ACTG2: variants seen among roughly 807,000 people sequenced by gnomAD.
The protein encoded by ACTG2 is actin, gamma-enteric smooth muscle.
Under a neutral mutation model 37.6 loss-of-function variants are expected in ACTG2, and 16 were observed. That is an observed-to-expected ratio of 0.43 (90% CI 0.29 to 0.65). ACTG2 has a LOEUF of 0.65. ACTG2 is among the 30% of genes least tolerant of loss of function. ACTG2 has a pLI of 0.18. For synonymous variants in ACTG2, 181 were observed against 179.9 expected, an observed-to-expected ratio of 1.01 and a Z score of -0.05; for missense variants, 238 against 490.9, an observed-to-expected ratio of 0.48 and a Z score of 4.87.
chr2:73,901,013 C>G (rs973530283), intron 1 of ACTG2, among the ~76,000 whole-genome samples: 1 of 152,218 alleles, frequency 6.6e-6, no homozygotes, highest in Non-Finnish European at 1.5e-5. Flanking sequence ...TTAATTACCT[C>G]TTTAAAGACC....
chr2:73,916,547 G>A, intron 7 of ACTG2, 37 bp from the exon 8 acceptor site: 2 of 1,582,016 alleles, frequency 1.3e-6, no homozygotes, highest in South Asian at 2.3e-5. Context: ...TATTTAGGAA[G>A]TGATGCCTGT....
intron 5 of ACTG2, among the ~76,000 whole-genome samples, chr2:73,911,993 A>G (rs953761800): frequency 6.6e-6 from 1 of 152,258 alleles, no homozygotes; most frequent in Non-Finnish European, 1.5e-5. Context: ...GTACCAGGCC[A>G]TGGGCACACA....
At position 73,909,273 on chromosome 2, in the gene ACTG2, A is replaced by G; in HGVS notation, c.451+134A>G. ...AGGCAAAATCTTTCTTAGGGATAAT[A>G]GGTGAGAATGCCCATGTGGAATGCC... On this transcript the variant is annotated intron_variant, in intron 5 of 8. Coordinates refer to ENST00000345517, the MANE Select transcript of ACTG2 (RefSeq NM_001615.4). 8.1e-6 allele frequency: 6 copies of G among 738,082 alleles called. No individual in the cohort carries two copies. In the South Asian group the frequency reaches 9.9e-5, roughly 12 times the overall value. 45.7% of individuals were successfully genotyped at this position (738,082 alleles called of 1,614,324 possible).
chr2:73,907,815 G>A (rs1384550175), intron 3 of ACTG2, among the ~76,000 whole-genome samples: 2 of 152,118 alleles, frequency 1.3e-5, no homozygotes, highest in Non-Finnish European at 2.9e-5. Flanking sequence ...TGGAGACCAG[G>A]GATACTGGTC....
chr2:73,893,696 G>A (rs1428207077), intron 1 of ACTG2, among the ~76,000 whole-genome samples: 1 of 152,150 alleles, frequency 6.6e-6, no homozygotes, highest in African/African-American at 2.4e-5. Context: ...GACCCATCTA[G>A]TTCATTCTCC....
At chr2:73,913,711 C>A in intron 6 of ACTG2, 65 bp downstream of exon 6, 2 of 1,394,866 alleles carry the variant, frequency 1.4e-6, no homozygotes, top group Non-Finnish European at 9.9e-7. Flanking sequence ...ACAAGAAGTT[C>A]TCAGGACCAA....
intron 1 of ACTG2, among the ~76,000 whole-genome samples, chr2:73,899,080 G>A (rs553021895): frequency 1.3e-4 from 20 of 152,164 alleles, no homozygotes; most frequent in Admixed American, 4.6e-4. Context: ...AAAGTGCTGG[G>A]ATTACAGGCG....
chr2:73,914,109 G>A (rs549954971), intron 6 of ACTG2, among the ~76,000 whole-genome samples: 71 of 152,280 alleles, frequency 4.7e-4, no homozygotes, highest in African/African-American at 1.6e-3. Flanking sequence ...CCCCCAGGAA[G>A]GCCTAAGGCT....
At chr2:73,898,988 T>A (rs969442935) in intron 1 of ACTG2, among the ~76,000 whole-genome samples, 8 of 151,912 alleles carry the variant, frequency 5.3e-5, no homozygotes, top group African/African-American at 9.6e-5. Context: ...TTTTTTGTAT[T>A]TTTAGTAGAG....
intron 7 of ACTG2, among the ~76,000 whole-genome samples, chr2:73,915,138 A>C (rs1396988353): frequency 6.6e-6 from 1 of 152,134 alleles, no homozygotes; most frequent in African/African-American, 2.4e-5. Flanking sequence ...AAACACAGAA[A>C]GTTTGTAGGC....
intron 1 of ACTG2, among the ~76,000 whole-genome samples, chr2:73,896,395 A>C (rs1679749934): frequency 6.6e-6 from 1 of 152,032 alleles, no homozygotes; most frequent in African/African-American, 2.4e-5. Flanking sequence ...TAGGCCATAC[A>C]GAAACAGGCC....
Position 73,906,174 on chromosome 2 carries a change from G to A in ACTG2, c.256-2499G>A, listed in dbSNP as rs191374769. 2.9e-3 allele frequency among the ~76,000 whole-genome samples: 442 copies of A among 152,064 alleles called. 1 individual carries two copies. The highest frequency in any genetic ancestry group is 0.01 in the African/African-American group (418 of 41,516). On this transcript the variant is annotated intron_variant, in intron 3 of 8. Coordinates refer to ENST00000345517, the MANE Select transcript of ACTG2 (RefSeq NM_001615.4). Reference sequence around the variant, plus strand: ...TATTCCATTAAAAAAAATTTTGGCCGGGCGCGGTGGCTCACGCCTGTAATC... The same window carrying A: ...TATTCCATTAAAAAAAATTTTGGCCAGGCGCGGTGGCTCACGCCTGTAATC...
At position 73,894,626 on chromosome 2, in the gene ACTG2, G is replaced by A. The variant is rs1428072200; in HGVS notation, c.-37+1575G>A. The stretch of plus-strand genomic sequence containing the variant: ...AGAACCATGGAGCAAATAAGTACAC[G>A]AAAGGGGTAAAGGCCAGGAGGAGCC... On this transcript the variant is annotated intron_variant, in intron 1 of 8. Coordinates refer to ENST00000345517, the MANE Select transcript of ACTG2 (RefSeq NM_001615.4). 3.3e-5 allele frequency among the ~76,000 whole-genome samples: 5 copies of A among 152,138 alleles called. No homozygotes were observed. In the South Asian group the frequency reaches 8.3e-4, roughly 25 times the overall value.
Position 73,919,773 on chromosome 2 carries a change from A to C in ACTG2, c.*198A>C. 1 of 458,828 alleles carries C rather than the reference A, an allele frequency of 2.2e-6. No individual in the cohort carries two copies. Among genetic ancestry groups the C allele is most frequent in the South Asian group, 6.4e-5 (1 of 15,628 alleles). The allele number at this position is 458,828 out of a possible 1,614,324, so 28.4% of individuals were successfully genotyped here. On this transcript the variant is annotated 3_prime_UTR_variant, in exon 9 of 9. Transcript: ENST00000345517. ...TAAGGTAGGTGCTATCATTATACCC[A>C]TATTACAGATGAGGAAATTGAGGCT...
intron 5 of ACTG2, among the ~76,000 whole-genome samples, chr2:73,909,988 G>C (rs980927678): frequency 2.0e-5 from 3 of 152,156 alleles, no homozygotes; most frequent in Non-Finnish European, 2.9e-5. Context: ...GCTGAGGTGG[G>C]CGGATCACCT....
rs2104827803 is a variant in ACTG2 at position 73,919,481 on chromosome 2, T to C, written c.1037T>C (p.Ile346Thr). The C allele has an allele frequency of 1.2e-6, 2 of 1,614,140 alleles. No individual in the cohort carries two copies. The highest frequency in any genetic ancestry group is 1.7e-6 in the Non-Finnish European group (2 of 1,180,030). Reference protein sequence around the residue: ...RKYSVWIGGSILASLSTFQQM... With the variant: ...RKYSVWIGGSTLASLSTFQQM... ...TACTCAGTCTGGATCGGGGGCTCTATCCTGGCCTCTCTCTCCACCTTCCAG... is the reference window on the plus strand; with the variant it reads ...TACTCAGTCTGGATCGGGGGCTCTACCCTGGCCTCTCTCTCCACCTTCCAG... The change falls in exon 9 of 9, where the codon ATC becomes ACC. Residue 346 changes from isoleucine (I) to threonine (T), a missense_variant. Coordinates refer to ENST00000345517, the MANE Select transcript of ACTG2 (RefSeq NM_001615.4).
chr2:73,907,953 T>C (rs760047271), intron 3 of ACTG2, among the ~76,000 whole-genome samples: 4 of 152,214 alleles, frequency 2.6e-5, no homozygotes, highest in Non-Finnish European at 4.4e-5. Context: ...TCTGTCAGAT[T>C]CTCAGCAGGA....
At chr2:73,916,374 G>GA (rs56292295) in intron 7 of ACTG2, among the ~76,000 whole-genome samples, 2,857 of 127,070 alleles carry the variant, frequency 0.022, 113 homozygotes, top group African/African-American at 0.084. Context: ...CTCCATCTCA[G>GA]AAAAAAAAAA....
intron 7 of ACTG2, among the ~76,000 whole-genome samples, chr2:73,915,994 G>A (rs1420415407): frequency 6.6e-6 from 1 of 152,106 alleles, no homozygotes; most frequent in Non-Finnish European, 1.5e-5. Context: ...TGGATATACT[G>A]AAAATGACTG....
Sources: gnomAD v4.1 joint callset for allele counts (sites outside exome capture counted in the v4.1 genomes callset) on GRCh38, gnomAD v4.1.1 for gene constraint, MANE v1.5 for transcripts, NCBI Gene and HGNC (gene_info 2026-07-23, HGNC 2026-07-21) for gene names.